Variants in SPHKAP observed in about 807,000 individuals in gnomAD.
SPHKAP encodes SPHK1 interactor, AKAP domain containing, also known as A-kinase anchor protein SPHKAP.
Under a neutral mutation model 137.5 loss-of-function variants are expected in SPHKAP, and 67 were observed. The observed-to-expected ratio is 0.49, with a 90% CI of 0.40 to 0.60. The LOEUF (loss-of-function observed/expected upper bound fraction) is 0.60, where lower values mean the gene tolerates loss of function less well. Ranked by LOEUF, SPHKAP falls within the 20% of genes least tolerant of loss-of-function variation. The pLI, the probability that SPHKAP is intolerant of heterozygous loss-of-function variation, is 0.00. For missense variants in SPHKAP, 2,097 were observed against 2,069.3 expected, an observed-to-expected ratio of 1.01 and a Z score of -0.26; for synonymous variants, 813 against 785.3, an observed-to-expected ratio of 1.04 and a Z score of -0.59.
intron 3 of SPHKAP, among the ~76,000 whole-genome samples, chr2:228,064,824 T>C (rs953637571): frequency 1.3e-5 from 2 of 152,168 alleles, no homozygotes; most frequent in African/African-American, 4.8e-5. Flanking sequence ...AGAAAGACAC[T>C]GTTGGAAGGG....
intron 3 of SPHKAP, among the ~76,000 whole-genome samples, chr2:228,051,458 C>T (rs1696252832): frequency 6.6e-6 from 1 of 152,100 alleles, no homozygotes; most frequent in South Asian, 2.1e-4. Flanking sequence ...TGGACTTGTC[C>T]TCTTTGTGCT....
At chr2:228,173,369 G>A (rs1285922428) in intron 1 of SPHKAP, among the ~76,000 whole-genome samples, 1 of 152,150 alleles carries the variant, frequency 6.6e-6, no homozygotes, top group Non-Finnish European at 1.5e-5. Flanking sequence ...ATGTGACATT[G>A]TATGACAAAG....
chr2:228,095,305 T>C (rs1347466754), intron 3 of SPHKAP, among the ~76,000 whole-genome samples: 1 of 152,120 alleles, frequency 6.6e-6, no homozygotes, highest in Non-Finnish European at 1.5e-5. Flanking sequence ...CCAGGGGATA[T>C]GGAGTGAGGG....
intron 7 of SPHKAP, among the ~76,000 whole-genome samples, chr2:228,004,009 G>A (rs1456511038): frequency 6.6e-6 from 1 of 152,140 alleles, no homozygotes; most frequent in Non-Finnish European, 1.5e-5. Context: ...CAGGGATATT[G>A]GTCTAAAATT....
chr2:228,009,579 T>C (rs1040176043), intron 7 of SPHKAP, among the ~76,000 whole-genome samples: 2 of 152,224 alleles, frequency 1.3e-5, no homozygotes, highest in African/African-American at 4.8e-5. Context: ...TAATGAGTGA[T>C]ATTTTTCTTC....
At chr2:228,047,443 G>T (rs985695860) in intron 3 of SPHKAP, among the ~76,000 whole-genome samples, 4 of 147,306 alleles carry the variant, frequency 2.7e-5, no homozygotes, top group Non-Finnish European at 4.4e-5. Flanking sequence ...TCCAGCCTGG[G>T]CAACAAGAGC....
chr2:228,113,241 T>A (rs1352667499), intron 2 of SPHKAP, among the ~76,000 whole-genome samples: 1 of 152,174 alleles, frequency 6.6e-6, no homozygotes, highest in African/African-American at 2.4e-5. Context: ...AATATTTATA[T>A]TCTTTAATTA....
intron 7 of SPHKAP, among the ~76,000 whole-genome samples, chr2:228,003,850 A>C (rs981502819): frequency 6.6e-5 from 10 of 152,182 alleles, no homozygotes; most frequent in Non-Finnish European, 1.2e-4. Context: ...TTCTGTTTAC[A>C]TACCTGATTA....
Position 228,018,540 on chromosome 2 carries a change from A to G in SPHKAP, c.2314T>C (p.Ser772Pro). 1 of 1,613,974 alleles carries G rather than the reference A, an allele frequency of 6.2e-7. No individual in the cohort carries two copies. Among genetic ancestry groups the G allele is most frequent in the South Asian group, 1.1e-5 (1 of 91,052 alleles). ...WTKATESSSS[S>P]PLSNSHNTSL... ...GTGTTGTGTGAATTGCTAAGTGGAG[A>G]GCTGCTGGAGGATTCAGTGGCTTTT... The change falls in exon 7 of 12, where the codon TCT becomes CCT. Residue 772 changes from serine to proline, a missense_variant. Ser to Pro is a moderately conservative substitution (Grantham distance 74). Coordinates refer to ENST00000392056, the MANE Select transcript of SPHKAP (RefSeq NM_001142644.2).
chr2:228,146,099 A>T (rs1699767393), intron 1 of SPHKAP, among the ~76,000 whole-genome samples: 1 of 151,894 alleles, frequency 6.6e-6, no homozygotes, highest in African/African-American at 2.4e-5. Context: ...TTTTTTTCAA[A>T]ACTATGTTTA....
At chr2:228,091,530 TA>T (rs1697731391) in intron 3 of SPHKAP, among the ~76,000 whole-genome samples, 1 of 152,058 alleles carries the variant, frequency 6.6e-6, no homozygotes, top group Non-Finnish European at 1.5e-5. Context: ...TGACAAAGAC[TA>T]AAATCCAGAA....
chr2:227,991,426 AGTTCATTCTGGATTTATTGTTTT>A, intron 9 of SPHKAP, 100 bp from the exon 10 acceptor site: 1 of 1,596,316 alleles, frequency 6.3e-7, no homozygotes, highest in South Asian at 1.1e-5. Context: ...AAGCTTCTGA[AGTTCATTCTGGATTTATTGTTTT>A]TGTAGAGTAG....
At chr2:228,039,712 A>T (rs1559362228) in intron 3 of SPHKAP, among the ~76,000 whole-genome samples, 1 of 152,200 alleles carries the variant, frequency 6.6e-6, no homozygotes, top group Non-Finnish European at 1.5e-5. Flanking sequence ...TATTTTCTAA[A>T]CAGTTTTATT....
At chr2:228,005,290 T>G (rs926970835) in intron 7 of SPHKAP, among the ~76,000 whole-genome samples, 3 of 152,234 alleles carry the variant, frequency 2.0e-5, no homozygotes, top group Non-Finnish European at 2.9e-5. Context: ...GTTGAATTGA[T>G]CCCTTTACCA....
chr2:228,016,905 G>A lies in SPHKAP; in HGVS notation c.3949C>T (p.Leu1317Phe), dbSNP rs533143211. The part of the protein sequence containing the change: ...HETWASSIEA[L>F]MRKNKIIVDD... ...ACAATGATTTTGTTCTTGCGCATGA[G>A]AGCCTCAATGGAGCTAGCCCACGTT... The change falls in exon 7 of 12, where the codon CTC becomes TTC. Residue 1317 changes from leucine (L) to phenylalanine (F), a missense_variant. Physicochemically the swap from Leu to Phe is conservative, Grantham distance 22. Transcript: ENST00000392056. 2 of 1,613,980 alleles carry A rather than the reference G, an allele frequency of 1.2e-6. No homozygotes were observed. The highest frequency in any genetic ancestry group is 2.7e-5 in the African/African-American group (2 of 74,900).
Position 228,151,735 on chromosome 2 carries a change from A to G in SPHKAP, c.33-19650T>C, listed in dbSNP as rs543707358. Among the ~76,000 whole-genome samples the G allele has an allele frequency of 8.5e-5, 13 of 152,114 alleles. No homozygotes were observed. The East Asian group carries it at 2.5e-3, about 29-fold the overall frequency. On this transcript the variant is annotated intron_variant, in intron 1 of 11. Coordinates refer to ENST00000392056, the MANE Select transcript of SPHKAP (RefSeq NM_001142644.2). ...TGCAAGGCTGGTTATTTTTTCTTGTATTAATTTCAGGTCTTATTATCATTT... is the reference window on the plus strand; with the variant it reads ...TGCAAGGCTGGTTATTTTTTCTTGTGTTAATTTCAGGTCTTATTATCATTT...
Position 228,071,373 on chromosome 2 carries a change from C to T in SPHKAP, c.246+37459G>A, listed in dbSNP as rs78601181. Among the ~76,000 whole-genome samples the T allele has an allele frequency of 3.2e-3, 486 of 152,280 alleles. 4 individuals are homozygous for T. Among genetic ancestry groups the T allele is most frequent in the South Asian group, 8.1e-3 (39 of 4,826 alleles). On this transcript the variant is annotated intron_variant, in intron 3 of 11. Coordinates refer to ENST00000392056, the MANE Select transcript of SPHKAP (RefSeq NM_001142644.2). ...TTCTTAATGGCATCTGGGAACTTGT[C>T]GGCTGCTTCTTGGTCTGCAGGAACT...
At chr2:228,022,694 GA>G (rs1427356785) in intron 5 of SPHKAP, among the ~76,000 whole-genome samples, 2 of 152,186 alleles carry the variant, frequency 1.3e-5, no homozygotes, top group African/African-American at 4.8e-5. Context: ...AATGCTCTAA[GA>G]AAAGGGAAGT....
chr2:228,116,385 C>G (rs957775720), intron 2 of SPHKAP, among the ~76,000 whole-genome samples: 1 of 152,124 alleles, frequency 6.6e-6, no homozygotes, highest in Non-Finnish European at 1.5e-5. Context: ...AGTCACTTAA[C>G]TTCTTTGAGA....
Sources: allele counts gnomAD v4.1 joint callset (sites outside exome capture counted in the v4.1 genomes callset), GRCh38; gene constraint gnomAD v4.1.1; transcripts MANE v1.5; gene names NCBI Gene and HGNC (gene_info 2026-07-23, HGNC 2026-07-21).